The following GPER1 variants were observed in gnomAD, a reference collection of about 807,000 sequenced individuals.
GPER1 encodes the protein G protein-coupled estrogen receptor 1, also known as G protein-coupled receptor 30.
GPER1 carries 2 observed loss-of-function variants against 0.6 expected under a neutral mutation model. That is an observed-to-expected ratio of 3.41 (90% CI 1.39 to 10.72). The LOEUF is 10.72. Ranked by LOEUF, GPER1 falls within the 30% of genes most tolerant of loss-of-function variation. The pLI is 0.04. For synonymous variants in GPER1, 263 were observed against 247.6 expected, an observed-to-expected ratio of 1.06 and a Z score of -0.58; for missense variants, 441 against 535.2, an observed-to-expected ratio of 0.82 and a Z score of 1.74.
rs765806965 is a variant in GPER1 at position 1,092,776 on chromosome 7, C to T, written c.1048C>T (p.Arg350Cys). Residue 350 changes from arginine to cysteine, a missense_variant, in exon 2 of 2, where the codon CGC (arginine) becomes TGC (cysteine). Coordinates refer to ENST00000397088, the MANE Select transcript of GPER1 (RefSeq NM_001098201.3). ...EQKTNLPALNRFCHAALKAVI... is the reference protein window; with the variant it reads ...EQKTNLPALNCFCHAALKAVI... ...GAAAACAAATTTGCCGGCCCTGAAC[C>T]GCTTCTGTCACGCTGCCCTGAAGGC... 30 of 1,613,534 alleles carry T rather than the reference C, an allele frequency of 1.9e-5. No homozygotes were observed. Among genetic ancestry groups the T allele is most frequent in the Non-Finnish European group, 2.0e-5 (24 of 1,180,024 alleles).
chr7:1,089,091 C>T lies in GPER1; in HGVS notation c.-323+770C>T, dbSNP rs77755948. ...CTTCCTGCCACGCCACGGTCTAATA[C>T]GTTCCAAAATTTCTACATTTAAAGA... On this transcript the variant is annotated intron_variant, in intron 1 of 1. Transcript: ENST00000397088. 5.4e-3 allele frequency among the ~76,000 whole-genome samples: 829 copies of T among 152,236 alleles called. 8 individuals are homozygous for T. The highest frequency in any genetic ancestry group is 0.019 in the African/African-American group (785 of 41,530).
rs199734759 is a variant in GPER1 at position 1,091,815 on chromosome 7, C to G, written c.87C>G (p.Pro29=). 1.3e-6 allele frequency: 2 copies of G among 1,597,228 alleles called. No homozygotes were observed. The highest frequency in any genetic ancestry group is 1.7e-6 in the Non-Finnish European group (2 of 1,168,902). The change falls in exon 2 of 2, where the codon CCC becomes CCG. Residue 29 remains proline, a synonymous_variant. Transcript: ENST00000397088. The part of the protein sequence containing the change: ...AQPAAPNTTS[P]ELNLSHPLLG... Reference sequence around the variant, plus strand: ...CTGCGGCCCCCAACACCACCTCCCCCGAGCTCAACCTGTCCCACCCGCTCC... The same window carrying G: ...CTGCGGCCCCCAACACCACCTCCCCGGAGCTCAACCTGTCCCACCCGCTCC...
chr7:1,087,358 G>C (rs1787489932), upstream of GPER1: 1 of 152,260 alleles, frequency 6.6e-6, no homozygotes, highest in Admixed American at 6.5e-5. Flanking sequence ...GACCGGAAGA[G>C]TTTCGGAGTT....
At chr7:1,090,184 G>C (rs12702024) in intron 1 of GPER1, among the ~76,000 whole-genome samples, 22,650 of 152,238 alleles carry the variant, frequency 0.15, 2,010 homozygotes, top group South Asian at 0.19. Context: ...CAGGGCACCA[G>C]CACCATCTGG....
Position 1,092,188 on chromosome 7 carries a change from G to A in GPER1, c.460G>A (p.Asp154Asn), listed in dbSNP as rs1223808410. The A allele has an allele frequency of 6.2e-6, 10 of 1,613,086 alleles. No homozygotes were observed. The Admixed American group carries it at 1.2e-4, about 19-fold the overall frequency. Reference protein sequence around the residue: ...SVFFLTWMSFDRYIALARAMR... With the variant: ...SVFFLTWMSFNRYIALARAMR... ...CTTCTTCCTCACCTGGATGAGCTTC[G>A]ACCGCTACATCGCCCTGGCCAGGGC... Residue 154 changes from aspartate to asparagine, a missense_variant, in exon 2 of 2, where the codon GAC becomes AAC. Transcript: ENST00000397088.
At position 1,093,485 on chromosome 7, in the gene GPER1, AGGAGCAGCAGCGCTCGGCCC is replaced by A; in HGVS notation, c.*640_*659del. The A allele has an allele frequency of 2.1e-6, 1 of 469,974 alleles. No homozygotes were observed. The highest frequency in any genetic ancestry group is 4.4e-6 in the Non-Finnish European group (1 of 226,642). 29.1% of individuals were successfully genotyped at this position (469,974 alleles called of 1,614,324 possible). ...GCTGTGCGGCCTCACCAGGCCCACG[AGGAGCAGCAGCGCTCGGCCC>A]GGAGCAGCAGGAAGGCCCCTCTGTG... On this transcript the variant is annotated 3_prime_UTR_variant, in exon 2 of 2. Coordinates refer to ENST00000397088, the MANE Select transcript of GPER1 (RefSeq NM_001098201.3).
Position 1,093,197 on chromosome 7 carries a change from C to A in GPER1, c.*341C>A. On this transcript the variant is annotated 3_prime_UTR_variant, in exon 2 of 2. Coordinates refer to ENST00000397088, the MANE Select transcript of GPER1 (RefSeq NM_001098201.3). ...CCGCTGCAGGAAACATTTCTGACAC[C>A]GTCGACCAGGAAAGCCACACGGAGA... is the stretch of plus-strand genomic sequence containing the variant. The A allele has an allele frequency of 1.9e-6, 1 of 522,052 alleles. No homozygotes were observed. The highest frequency in any genetic ancestry group is 3.8e-6 in the Non-Finnish European group (1 of 260,922). The allele number at this position is 522,052 out of a possible 1,614,324, so 32.3% of individuals were successfully genotyped here. A position where few individuals can be genotyped will look rare whatever the true frequency, so the allele number is the denominator to read the frequency against.
At position 1,093,334 on chromosome 7, in the gene GPER1, G is replaced by A. The variant is rs374524593; in HGVS notation, c.*478G>A. On this transcript the variant is annotated 3_prime_UTR_variant, in exon 2 of 2. Coordinates refer to ENST00000397088, the MANE Select transcript of GPER1 (RefSeq NM_001098201.3). Reference sequence around the variant, plus strand: ...TGCTGGTGGGTCTGAGCTGGACGTCGCGGTGTGTCCTCTGTGCCCACGGTC... The same window carrying A: ...TGCTGGTGGGTCTGAGCTGGACGTCACGGTGTGTCCTCTGTGCCCACGGTC... The A allele has an allele frequency of 4.5e-5, 19 of 422,708 alleles. No homozygotes were observed. The highest frequency in any genetic ancestry group is 3.6e-4 in the East Asian group (5 of 13,922). 26.2% of individuals were successfully genotyped at this position (422,708 alleles called of 1,614,324 possible).
At position 1,092,320 on chromosome 7, in the gene GPER1, C is replaced by G. The variant is rs748855645; in HGVS notation, c.592C>G (p.Leu198Val). 2.5e-6 allele frequency: 4 copies of G among 1,611,772 alleles called. No individual in the cohort carries two copies. Among genetic ancestry groups the G allele is most frequent in the Admixed American group, 1.7e-5 (1 of 59,874 alleles). Residue 198 changes from leucine to valine, a missense_variant, in exon 2 of 2, where the codon CTG (leucine) becomes GTG (valine). Leu to Val is a conservative substitution (Grantham distance 32). Coordinates refer to ENST00000397088, the MANE Select transcript of GPER1 (RefSeq NM_001098201.3). ...GCTGGTGCCCTTCACCGCCGTGCAC[C>G]TGCAGCACACCGACGAGGCCTGCTT... is the stretch of plus-strand genomic sequence containing the variant. ...ATLVPFTAVHLQHTDEACFCF... is the reference protein window; with the variant it reads ...ATLVPFTAVHVQHTDEACFCF...
At position 1,093,147 on chromosome 7, in the gene GPER1, C is replaced by CCCTGCCTGCCGCTGCA. The variant is rs546531324; in HGVS notation, c.*308_*323dup. On this transcript the variant is annotated 3_prime_UTR_variant, in exon 2 of 2. Coordinates refer to ENST00000397088, the MANE Select transcript of GPER1 (RefSeq NM_001098201.3). ...CTGTCACCCAGCTCCTCCCCGCCAA[C>CCCTGCCTGCCGCTGCA]CCTGCCTGCCGCTGCACCTGCCTGC... 1.1e-5 allele frequency: 7 copies of CCCTGCCTGCCGCTGCA among 610,992 alleles called. No individual in the cohort carries two copies. In the East Asian group the frequency reaches 2.2e-4, roughly 19 times the overall value. 37.8% of individuals were successfully genotyped at this position (610,992 alleles called of 1,614,324 possible). A position where few individuals can be genotyped will look rare whatever the true frequency, so the allele number is the denominator to read the frequency against.
Position 1,092,141 on chromosome 7 carries a change from A to G in GPER1, c.413A>G (p.Gln138Arg). The G allele has an allele frequency of 6.2e-7, 1 of 1,613,674 alleles. No individual in the cohort carries two copies. Among genetic ancestry groups the G allele is most frequent in the Non-Finnish European group, 8.5e-7 (1 of 1,180,000 alleles). The change falls in exon 2 of 2, where the codon CAG becomes CGG. Residue 138 changes from glutamine (Q) to arginine (R), a missense_variant. Physicochemically the swap from Gln to Arg is conservative, Grantham distance 43. Transcript: ENST00000397088. ...TGCACCTTCATGTCGCTCTTCCTGC[A>G]GGTCAACATGTACAGCAGCGTCTTC... The part of the protein sequence containing the change: ...VLCTFMSLFL[Q>R]VNMYSSVFFL...
intron 1 of GPER1, among the ~76,000 whole-genome samples, chr7:1,090,346 C>T (rs1271543330): frequency 6.6e-6 from 1 of 152,256 alleles, no homozygotes; most frequent in African/African-American, 2.4e-5. Context: ...TGGCCCGCTG[C>T]ATAGAGAACT....
chr7:1,093,343 C>A lies in GPER1; in HGVS notation c.*487C>A. 1 of 423,848 alleles carries A rather than the reference C, an allele frequency of 2.4e-6. No individual in the cohort carries two copies. The highest frequency in any genetic ancestry group is 5.0e-6 in the Non-Finnish European group (1 of 200,714). 26.3% of individuals were successfully genotyped at this position (423,848 alleles called of 1,614,324 possible). A position where few individuals can be genotyped will look rare whatever the true frequency, so the allele number is the denominator to read the frequency against. On this transcript the variant is annotated 3_prime_UTR_variant, in exon 2 of 2. Coordinates refer to ENST00000397088, the MANE Select transcript of GPER1 (RefSeq NM_001098201.3). ...GTCTGAGCTGGACGTCGCGGTGTGT[C>A]CTCTGTGCCCACGGTCTGAGCTAGC...
At position 1,091,822 on chromosome 7, in the gene GPER1, A is replaced by T. The variant is rs1788013101; in HGVS notation, c.94A>T (p.Asn32Tyr). The change falls in exon 2 of 2, where the codon AAC becomes TAC. Residue 32 changes from asparagine to tyrosine, a missense_variant. By Grantham distance (143) the Asn-to-Tyr change is moderately radical. Transcript: ENST00000397088. ...AAPNTTSPEL[N>Y]LSHPLLGTAL... ...CCCCAACACCACCTCCCCCGAGCTC[A>T]ACCTGTCCCACCCGCTCCTGGGCAC... is the stretch of plus-strand genomic sequence containing the variant. The T allele has an allele frequency of 1.2e-6, 2 of 1,600,230 alleles. No individual in the cohort carries two copies. The highest frequency in any genetic ancestry group is 1.7e-6 in the Non-Finnish European group (2 of 1,170,522).
In GPER1 at chr7:1,092,142, G is replaced by C; in HGVS notation, c.414G>C (p.Gln138His). The change falls in exon 2 of 2, where the codon CAG becomes CAC. Residue 138 changes from glutamine to histidine, a missense_variant. Transcript: ENST00000397088. The stretch of plus-strand genomic sequence containing the variant: ...GCACCTTCATGTCGCTCTTCCTGCA[G>C]GTCAACATGTACAGCAGCGTCTTCT... ...VLCTFMSLFL[Q>H]VNMYSSVFFL... 1.9e-6 allele frequency: 3 copies of C among 1,613,670 alleles called. No homozygotes were observed. Among genetic ancestry groups the C allele is most frequent in the Non-Finnish European group, 2.5e-6 (3 of 1,180,030 alleles).
At position 1,093,411 on chromosome 7, in the gene GPER1, T is replaced by C. The variant is rs553678090; in HGVS notation, c.*555T>C. The C allele has an allele frequency of 1.3e-5, 6 of 457,454 alleles. No homozygotes were observed. Among genetic ancestry groups the C allele is most frequent in the Non-Finnish European group, 2.8e-5 (6 of 217,902 alleles). The allele number at this position is 457,454 out of a possible 1,614,324, so 28.3% of individuals were successfully genotyped here. On this transcript the variant is annotated 3_prime_UTR_variant, in exon 2 of 2. Coordinates refer to ENST00000397088, the MANE Select transcript of GPER1 (RefSeq NM_001098201.3). The stretch of plus-strand genomic sequence containing the variant: ...AAAGAGGAGAAGGAAAACATGCTGC[T>C]CTGGTGCACGCCTGAGCGTCCTCCA...
rs746842139 is a variant in GPER1 at position 1,093,242 on chromosome 7, C to A, written c.*386C>A. 8 of 477,196 alleles carry A rather than the reference C, an allele frequency of 1.7e-5. No individual in the cohort carries two copies. The highest frequency in any genetic ancestry group is 3.4e-5 in the Non-Finnish European group (8 of 232,060). 29.6% of individuals were successfully genotyped at this position (477,196 alleles called of 1,614,324 possible). A position where few individuals can be genotyped will look rare whatever the true frequency, so the allele number is the denominator to read the frequency against. Reference sequence around the variant, plus strand: ...CGGAGAGGCCACTGTGGGTGAAGCGCCTCAGTTACACAGGAACCCTAAAGC... The same window carrying A: ...CGGAGAGGCCACTGTGGGTGAAGCGACTCAGTTACACAGGAACCCTAAAGC... On this transcript the variant is annotated 3_prime_UTR_variant, in exon 2 of 2. Transcript: ENST00000397088.
chr7:1,089,758 A>T (rs1292610501), intron 1 of GPER1, among the ~76,000 whole-genome samples: 1 of 149,258 alleles, frequency 6.7e-6, no homozygotes, highest in Non-Finnish European at 1.5e-5. Context: ...TAGGTCAACA[A>T]ATCTCTAGTC....
At position 1,092,172 on chromosome 7, in the gene GPER1, C is replaced by A; in HGVS notation, c.444C>A (p.Leu148=). ...ACATGTACAGCAGCGTCTTCTTCCTCACCTGGATGAGCTTCGACCGCTACA... is the reference window on the plus strand; with the variant it reads ...ACATGTACAGCAGCGTCTTCTTCCTAACCTGGATGAGCTTCGACCGCTACA... ...QVNMYSSVFF[L]TWMSFDRYIA... Residue 148 remains leucine, a synonymous_variant, in exon 2 of 2, where the codon CTC becomes CTA. Transcript: ENST00000397088. 6.2e-7 allele frequency: 1 copy of A among 1,613,458 alleles called. No homozygotes were observed. The highest frequency in any genetic ancestry group is 8.5e-7 in the Non-Finnish European group (1 of 1,180,004).
Sources: gnomAD v4.1 joint callset for allele counts (sites outside exome capture counted in the v4.1 genomes callset) on GRCh38, gnomAD v4.1.1 for gene constraint, MANE v1.5 for transcripts, NCBI Gene and HGNC (gene_info 2026-07-23, HGNC 2026-07-21) for gene names.